The following OMA1 variants were observed in gnomAD, a reference collection of about 807,000 sequenced individuals.
OMA1 encodes OMA1 zinc metallopeptidase.
Under a neutral mutation model 30.9 loss-of-function variants are expected in OMA1, and 38 were observed. That is an observed-to-expected ratio of 1.23 (90% confidence interval 0.95 to 1.61). The LOEUF (loss-of-function observed/expected upper bound fraction) is 1.61. OMA1 is among the 40% of genes most tolerant of loss of function. The pLI, the probability that OMA1 is intolerant of heterozygous loss-of-function variation, is 0.00. For synonymous variants in OMA1, 173 were observed against 121.9 expected, an observed-to-expected ratio of 1.42 and a Z score of -2.76; for missense variants, 461 against 349.2, an observed-to-expected ratio of 1.32 and a Z score of -2.55.
Position 58,536,743 on chromosome 1 carries a change from T to C in OMA1, c.501-2A>G, listed in dbSNP as rs975144273. 6.9e-6 allele frequency: 6 copies of C among 866,906 alleles called. No homozygotes were observed. Among genetic ancestry groups the C allele is most frequent in the Non-Finnish European group, 1.2e-5 (6 of 499,956 alleles). 53.7% of individuals were successfully genotyped at this position (866,906 alleles called of 1,614,324 possible). On this transcript the variant is annotated splice_acceptor_variant, in intron 2 of 8. Transcript: ENST00000371226. LOFTEE classifies it high-confidence loss of function. The stretch of plus-strand genomic sequence containing the variant: ...GCCTGCCACCATTTCCTTATGCCCC[T>C]AAAGCAAAAAGAAAAATTCAAAGTT...
chr1:58,532,506 T>G (rs1646449243), intron 5 of OMA1, among the ~76,000 whole-genome samples: 1 of 152,198 alleles, frequency 6.6e-6, no homozygotes, highest in South Asian at 2.1e-4. Context: ...TGTGTATATT[T>G]GTTTAAGAAA....
chr1:58,490,944 T>A (rs1383416578), intron 8 of OMA1, among the ~76,000 whole-genome samples: 1 of 151,462 alleles, frequency 6.6e-6, no homozygotes, highest in East Asian at 1.9e-4. Context: ...TAGCTGGGAC[T>A]ACAGGCACCC....
At chr1:58,518,902 T>A (rs1219482649) in intron 7 of OMA1, among the ~76,000 whole-genome samples, 1 of 152,176 alleles carries the variant, frequency 6.6e-6, no homozygotes, top group Admixed American at 6.5e-5. Context: ...ACTGTTCCTA[T>A]CCTACAGATG....
intron 8 of OMA1, among the ~76,000 whole-genome samples, chr1:58,500,338 G>C (rs1645886257): frequency 6.6e-6 from 1 of 152,128 alleles, no homozygotes; most frequent in Non-Finnish European, 1.5e-5. Flanking sequence ...AAGGTGAACA[G>C]TGTATGTTTG....
intron 1 of OMA1, among the ~76,000 whole-genome samples, chr1:58,540,546 T>C (rs1351953216): frequency 1.3e-5 from 2 of 151,198 alleles, no homozygotes; most frequent in Non-Finnish European, 2.9e-5. Flanking sequence ...ATGTAATATA[T>C]TTCTTTAAAA....
intron 7 of OMA1, among the ~76,000 whole-genome samples, chr1:58,522,591 T>C (rs1646282048): frequency 6.6e-6 from 1 of 150,592 alleles, no homozygotes; most frequent in Non-Finnish European, 1.5e-5. Context: ...CAGTTGACCC[T>C]TGAACAACAT....
intron 3 of OMA1, among the ~76,000 whole-genome samples, chr1:58,536,149 C>G (rs1192413950): frequency 6.6e-6 from 1 of 152,042 alleles, no homozygotes; most frequent in East Asian, 1.9e-4. Context: ...CCCAGTAAAG[C>G]CAAGCAATGG....
intron 8 of OMA1, among the ~76,000 whole-genome samples, chr1:58,498,447 A>G (rs1236235408): frequency 6.6e-6 from 1 of 152,170 alleles, no homozygotes; most frequent in Admixed American, 6.5e-5. Context: ...TCTAAAAGCA[A>G]GCATATACTT....
intron 5 of OMA1, among the ~76,000 whole-genome samples, chr1:58,532,033 A>C (rs1207819257): frequency 6.6e-6 from 1 of 152,160 alleles, no homozygotes; most frequent in Non-Finnish European, 1.5e-5. Flanking sequence ...TTAACATGAA[A>C]AAGTGAAACT....
At chr1:58,508,356 C>T (rs113689101) in intron 7 of OMA1, among the ~76,000 whole-genome samples, 5 of 152,210 alleles carry the variant, frequency 3.3e-5, no homozygotes, top group African/African-American at 7.2e-5. Context: ...AAGAATAGGA[C>T]GCCCTAAACC....
intron 5 of OMA1, 102 bp downstream of exon 5, chr1:58,533,851 A>C (rs1185574637): frequency 1.3e-6 from 1 of 743,884 alleles, no homozygotes; most frequent in Non-Finnish European, 2.4e-6. Context: ...CTAAAAGTCT[A>C]TCATTTTTAA....
At chr1:58,508,156 C>T (rs1646018626) in intron 7 of OMA1, among the ~76,000 whole-genome samples, 3 of 152,030 alleles carry the variant, frequency 2.0e-5, no homozygotes, top group African/African-American at 7.2e-5. Flanking sequence ...GTATTCCAAG[C>T]TAAAAGTATT....
intron 7 of OMA1, among the ~76,000 whole-genome samples, chr1:58,510,766 A>C (rs1176463120): frequency 6.6e-6 from 1 of 152,168 alleles, no homozygotes; most frequent in African/African-American, 2.4e-5. Flanking sequence ...CTAATAAATA[A>C]ATTCAGTAAA....
intron 1 of OMA1, chr1:58,541,756 A>G (rs1009804484): frequency 1.3e-5 from 2 of 149,414 alleles, no homozygotes; most frequent in Admixed American, 6.7e-5. Context: ...TTATCTGACT[A>G]TTTTATTCCT....
intron 2 of OMA1, 138 bp from the exon 3 acceptor site, chr1:58,536,879 C>A: frequency 3.5e-6 from 2 of 569,612 alleles, no homozygotes; most frequent in Non-Finnish European, 6.2e-6. Context: ...ATCGCTTTTC[C>A]AATTAATAAA....
chr1:58,483,742 G>C (rs999073618), intron 8 of OMA1, among the ~76,000 whole-genome samples: 2 of 152,230 alleles, frequency 1.3e-5, no homozygotes, highest in Non-Finnish European at 2.9e-5. Flanking sequence ...AGAATGAAAT[G>C]AGATGCTAGC....
rs17096872 is a variant in OMA1 at position 58,507,000 on chromosome 1, A to G, written c.1216-791T>C. ...GTATATACTTGTATATGCACAGAAC[A>G]TATCTGAGAAGCTATTTAAGAAGCT... On this transcript the variant is annotated intron_variant, in intron 7 of 8. Transcript: ENST00000371226. 1.5e-3 allele frequency among the ~76,000 whole-genome samples: 225 copies of G among 152,186 alleles called. 4 individuals carry two copies. The East Asian group carries it at 0.038, about 26-fold the overall frequency.
intron 7 of OMA1, among the ~76,000 whole-genome samples, chr1:58,514,381 C>G (rs1646128002): frequency 6.6e-6 from 1 of 152,050 alleles, no homozygotes; most frequent in Non-Finnish European, 1.5e-5. Flanking sequence ...AGATCTAGAC[C>G]AAGTAAAAGC....
Position 58,496,169 on chromosome 1 carries a change from C to CTTTTTTTTTTTTTTTTTTTT in OMA1, c.1365+9890_1365+9891insAAAAAAAAAAAAAAAAAAAA, listed in dbSNP as rs375006213. ...TTCAATATTCTTTCATTTTTTTAGA[C>CTTTTTTTTTTTTTTTTTTTT]TTTTTTTTTTTGGCTTTGGGCATTT... On this transcript the variant is annotated intron_variant, in intron 8 of 8. Coordinates refer to ENST00000371226, the MANE Select transcript of OMA1 (RefSeq NM_145243.5). Among the ~76,000 whole-genome samples the CTTTTTTTTTTTTTTTTTTTT allele has an allele frequency of 4.8e-5, 7 of 144,972 alleles. No individual in the cohort carries two copies. In the East Asian group the frequency reaches 1.3e-3, roughly 27 times the overall value.
Sources: gnomAD v4.1 joint callset for allele counts (sites outside exome capture counted in the v4.1 genomes callset) on GRCh38, gnomAD v4.1.1 for gene constraint, MANE v1.5 for transcripts, NCBI Gene and HGNC (gene_info 2026-07-23, HGNC 2026-07-21) for gene names.